Variants in GRAMD1C observed in about 807,000 individuals in gnomAD.
GRAMD1C encodes the protein GRAM domain containing 1C, also known as protein Aster-C.
In GRAMD1C, 89 loss-of-function variants were observed where a neutral mutation model predicts 97.8. That is an observed-to-expected ratio of 0.91 (90% CI 0.77 to 1.09). The LOEUF (loss-of-function observed/expected upper bound fraction) is 1.09. Ranked by LOEUF, GRAMD1C falls within the 50% of genes least tolerant of loss-of-function variation. The pLI, the probability that GRAMD1C is intolerant of heterozygous loss-of-function variation, is 0.00. For missense variants in GRAMD1C, 740 were observed against 766.4 expected (o/e 0.97, Z 0.41); for synonymous variants, 256 against 267.0 (o/e 0.96, Z 0.40).
At position 113,931,362 on chromosome 3, in the gene GRAMD1C, A is replaced by AT. The variant is rs11294764; in HGVS notation, c.1209+546dup. Among the ~76,000 whole-genome samples the AT allele has an allele frequency of 5.6e-3, 807 of 143,056 alleles. 4 individuals carry two copies. Among genetic ancestry groups the AT allele is most frequent in the African/African-American group, 0.015 (578 of 38,922 alleles). 93.9% of individuals were successfully genotyped at this position (143,056 alleles called of 152,430 possible). A position where few individuals can be genotyped will look rare whatever the true frequency, so the allele number is the denominator to read the frequency against. On this transcript the variant is annotated intron_variant, in intron 11 of 17. Coordinates refer to ENST00000358160, the MANE Select transcript of GRAMD1C (RefSeq NM_017577.5). The stretch of plus-strand genomic sequence containing the variant: ...CATTTCTTCTCTTTCATATATTCAA[A>AT]TTTTTTTTTTTTTTTTGAGACGGAG...
At position 113,844,640 on chromosome 3, in the gene GRAMD1C, G is replaced by C. The variant is rs1559774784; in HGVS notation, c.165G>C (p.Trp55Cys). 1 of 1,579,678 alleles carries C rather than the reference G, an allele frequency of 6.3e-7. No homozygotes were observed. The highest frequency in any genetic ancestry group is 8.6e-7 in the Non-Finnish European group (1 of 1,167,856). The stretch of plus-strand genomic sequence containing the variant: ...ATTTACATAATTGGAGTGGTGACTG[G>C]AGCTTTTGGGTAATTTCTTTTTTTA... ...GPNLHNWSGD[W>C]SFWISSSTYK... Residue 55 changes from tryptophan to cysteine, a missense_variant, in exon 2 of 18, where the codon TGG (tryptophan) becomes TGC (cysteine). Coordinates refer to ENST00000358160, the MANE Select transcript of GRAMD1C (RefSeq NM_017577.5).
At position 113,838,846 on chromosome 3, in the gene GRAMD1C, G is replaced by T. The variant is rs964779871; in HGVS notation, c.-64G>T. The T allele has an allele frequency of 2.4e-5, 28 of 1,183,008 alleles. No individual in the cohort carries two copies. Among genetic ancestry groups the T allele is most frequent in the Non-Finnish European group, 9.5e-6 (9 of 944,926 alleles). 73.3% of individuals were successfully genotyped at this position (1,183,008 alleles called of 1,614,324 possible). ...CTGTAACTCGCAGCGCGCGCTGGAGGTGGGCGCGGGGCGGTGCGGTGCGGT... is the reference window on the plus strand; with the variant it reads ...CTGTAACTCGCAGCGCGCGCTGGAGTTGGGCGCGGGGCGGTGCGGTGCGGT... On this transcript the variant is annotated 5_prime_UTR_variant, in exon 1 of 18. Transcript: ENST00000358160.
At chr3:113,901,262 C>G in intron 7 of GRAMD1C, 116 bp downstream of exon 7, 1 of 623,332 alleles carries the variant, frequency 1.6e-6, no homozygotes, top group Non-Finnish European at 2.9e-6. Flanking sequence ...CCATTTGCCC[C>G]TTTGTTCTTT....
chr3:113,911,820 C>T (rs1165007187), intron 9 of GRAMD1C, among the ~76,000 whole-genome samples: 3 of 151,386 alleles, frequency 2.0e-5, no homozygotes, highest in Non-Finnish European at 2.9e-5. Context: ...CTCTGCCTCC[C>T]GGGTTCACAC....
At chr3:113,861,301 C>T (rs68124873) in intron 2 of GRAMD1C, among the ~76,000 whole-genome samples, 18,580 of 152,172 alleles carry the variant, frequency 0.12, 1,589 homozygotes, top group Non-Finnish European at 0.18. Context: ...TTAGATATGA[C>T]ATGAAAATCT....
chr3:113,904,074 A>T, intron 7 of GRAMD1C, 66 bp from the exon 8 acceptor site: 1 of 1,216,712 alleles, frequency 8.2e-7, no homozygotes, highest in South Asian at 1.3e-5. Flanking sequence ...GACCTCAGTG[A>T]GGAGACCAAA....
At chr3:113,925,617 C>A (rs959201035) in intron 10 of GRAMD1C, among the ~76,000 whole-genome samples, 2 of 152,186 alleles carry the variant, frequency 1.3e-5, no homozygotes, top group East Asian at 3.8e-4. Flanking sequence ...TTTATCTTGT[C>A]ATTGTGTTGT....
At chr3:113,839,669 A>G (rs1709727875) in intron 1 of GRAMD1C, among the ~76,000 whole-genome samples, 1 of 152,236 alleles carries the variant, frequency 6.6e-6, no homozygotes, top group Non-Finnish European at 1.5e-5. Context: ...CTGGATATTC[A>G]TGAACCCAAT....
chr3:113,836,045 CT>C (rs1240393369), upstream of GRAMD1C, among the ~76,000 whole-genome samples: 1 of 151,968 alleles, frequency 6.6e-6, no homozygotes. Context: ...GGGTGGATCA[CT>C]TGAGGCCAGG....
At chr3:113,881,694 A>T (rs1483645743) in intron 5 of GRAMD1C, among the ~76,000 whole-genome samples, 1 of 152,204 alleles carries the variant, frequency 6.6e-6, no homozygotes, top group Non-Finnish European at 1.5e-5. Context: ...AAATCTATAT[A>T]TCTGAACACA....
At chr3:113,901,752 A>G (rs1936180249) in intron 7 of GRAMD1C, among the ~76,000 whole-genome samples, 1 of 152,226 alleles carries the variant, frequency 6.6e-6, no homozygotes, top group Non-Finnish European at 1.5e-5. Flanking sequence ...TCTACAAGTA[A>G]AAGTGCATTA....
intron 17 of GRAMD1C, among the ~76,000 whole-genome samples, chr3:113,944,786 A>C (rs1937989349): frequency 6.6e-6 from 1 of 152,214 alleles, no homozygotes; most frequent in Non-Finnish European, 1.5e-5. Flanking sequence ...ATAGGCAAGC[A>C]ACAAATATTT....
chr3:113,945,225 C>G (rs1377685556), intron 17 of GRAMD1C, among the ~76,000 whole-genome samples, 173 bp from the exon 18 acceptor site: 1 of 152,190 alleles, frequency 6.6e-6, no homozygotes, highest in African/African-American at 2.4e-5. Context: ...CTGTAGCAAT[C>G]ATACTGATAG....
chr3:113,930,273 T>C (rs1937361465), intron 10 of GRAMD1C, among the ~76,000 whole-genome samples: 1 of 152,222 alleles, frequency 6.6e-6, no homozygotes, highest in South Asian at 2.1e-4. Flanking sequence ...ATAATTTCTA[T>C]GTAAGTTGAT....
intron 15 of GRAMD1C, chr3:113,938,507 A>G (rs1165486392): frequency 6.2e-6 from 1 of 161,844 alleles, no homozygotes; most frequent in Non-Finnish European, 1.3e-5. Context: ...ATTTGATTGG[A>G]CAAATGGTTC....
rs1237066377 is a variant in GRAMD1C, at chr3:113,946,995, C to G, written c.*1517C>G. Reference sequence around the variant, plus strand: ...TCTCTGTTAAAGTCACAAAAATGATCGACAAACAATATTTTTGTGATGTTT... The same window carrying G: ...TCTCTGTTAAAGTCACAAAAATGATGGACAAACAATATTTTTGTGATGTTT... On this transcript the variant is annotated 3_prime_UTR_variant, in exon 18 of 18. Transcript: ENST00000358160. The G allele has an allele frequency of 6.6e-6, 1 of 152,080 alleles. No individual in the cohort carries two copies. Among genetic ancestry groups the G allele is most frequent in the Admixed American group, 6.5e-5 (1 of 15,278 alleles). 9.4% of individuals were successfully genotyped at this position (152,080 alleles called of 1,614,324 possible).
intron 9 of GRAMD1C, among the ~76,000 whole-genome samples, chr3:113,914,472 C>T (rs1057421272): frequency 1.3e-5 from 2 of 152,010 alleles, no homozygotes; most frequent in Non-Finnish European, 2.9e-5. Flanking sequence ...TTTGATTTAA[C>T]CTGACTAATA....
At chr3:113,939,821 A>C in intron 15 of GRAMD1C, 65 bp from the exon 16 acceptor site, 2 of 824,332 alleles carry the variant, frequency 2.4e-6, no homozygotes, top group Non-Finnish European at 4.3e-6. Flanking sequence ...TTGCATGTAT[A>C]TTCTGCATTA....
intron 6 of GRAMD1C, among the ~76,000 whole-genome samples, chr3:113,884,877 C>T (rs1198440333): frequency 6.7e-6 from 1 of 149,436 alleles, no homozygotes; most frequent in African/African-American, 2.5e-5. Context: ...AGAGGCGCAG[C>T]GGACCACTCT....
Sources: allele counts gnomAD v4.1 joint callset (sites outside exome capture counted in the v4.1 genomes callset), GRCh38; gene constraint gnomAD v4.1.1; transcripts MANE v1.5; gene names NCBI Gene and HGNC (gene_info 2026-07-23, HGNC 2026-07-21).